WFDC11: variants seen among roughly 807,000 people sequenced by gnomAD.
WFDC11 encodes protein WFDC11.
A neutral mutation model predicts 9.9 loss-of-function variants in WFDC11; 9 were observed. That is an observed-to-expected ratio of 0.91 (90% CI 0.55 to 1.58). The LOEUF (loss-of-function observed/expected upper bound fraction) is 1.58. Ranked by LOEUF, WFDC11 falls within the 40% of genes most tolerant of loss-of-function variation. The pLI is 0.00. For missense variants in WFDC11, 106 were observed against 101.7 expected, an observed-to-expected ratio of 1.04 and a Z score of -0.18; for synonymous variants, 32 against 33.3, an observed-to-expected ratio of 0.96 and a Z score of 0.13.
intron 3 of WFDC11, 24 bp downstream of exon 3, chr20:45,650,477 C>T (rs1169820819): frequency 6.3e-7 from 1 of 1,599,048 alleles, no homozygotes; most frequent in East Asian, 2.2e-5. Context: ...CTCCTGTGGC[C>T]CCTAATCCAG....
At chr20:45,663,039 C>G (rs1983105584) in intron 2 of WFDC11, among the ~76,000 whole-genome samples, 1 of 152,174 alleles carries the variant, frequency 6.6e-6, no homozygotes, top group African/African-American at 2.4e-5. Context: ...GGCTGTGAAT[C>G]TCTCTGGTCC....
intron 2 of WFDC11, among the ~76,000 whole-genome samples, chr20:45,656,209 C>G (rs1188956263): frequency 6.7e-6 from 1 of 149,722 alleles, no homozygotes; most frequent in Admixed American, 6.7e-5. Flanking sequence ...GTAACCAAAA[C>G]AGCATAGTAC....
At chr20:45,662,950 G>A (rs539704706) in intron 2 of WFDC11, among the ~76,000 whole-genome samples, 3 of 152,300 alleles carry the variant, frequency 2.0e-5, no homozygotes, top group East Asian at 3.9e-4. Context: ...GAGTTAGGGA[G>A]GATTCCCTCT....
chr20:45,659,605 G>C lies in WFDC11; in HGVS notation c.-52+7483C>G, dbSNP rs1474109253. On this transcript the variant is annotated intron_variant, in intron 2 of 4. Coordinates refer to ENST00000324384, the MANE Select transcript of WFDC11 (RefSeq NM_147197.2). ...TGTGTTTAAGTTCTTTGTAGATTCT[G>C]GATATTGGCCCTTTGTCAGACGGAT... Among the ~76,000 whole-genome samples, 4 of 152,150 alleles carry C rather than the reference G, an allele frequency of 2.6e-5. 1 individual carries two copies. Among genetic ancestry groups the C allele is most frequent in the Admixed American group, 2.6e-4 (4 of 15,270 alleles).
chr20:45,650,743 C>G (rs1982789016), intron 2 of WFDC11, 92 bp from the exon 3 acceptor site: 1 of 671,246 alleles, frequency 1.5e-6, no homozygotes, highest in Non-Finnish European at 2.5e-6. Context: ...TCTCACTATT[C>G]CCCCTAGGCC....
At chr20:45,654,814 G>C (rs1416680310) in intron 2 of WFDC11, among the ~76,000 whole-genome samples, 1 of 152,054 alleles carries the variant, frequency 6.6e-6, no homozygotes, top group Non-Finnish European at 1.5e-5. Flanking sequence ...CTCTATGCAA[G>C]TAAACTAGAA....
At chr20:45,649,968 G>A (rs1302698728) in intron 3 of WFDC11, among the ~76,000 whole-genome samples, 1 of 151,888 alleles carries the variant, frequency 6.6e-6, no homozygotes, top group Non-Finnish European at 1.5e-5. Flanking sequence ...GACCCCCAAG[G>A]TTGCCCCACT....
Position 45,650,247 on chromosome 20 carries a change from T to TATAGAGAG in WFDC11, c.100+253_100+254insCTCTCTAT, listed in dbSNP as rs536980234. Among the ~76,000 whole-genome samples the TATAGAGAG allele has an allele frequency of 1.7e-3, 256 of 148,924 alleles. 1 individual carries two copies. Among genetic ancestry groups the TATAGAGAG allele is most frequent in the African/African-American group, 5.9e-3 (239 of 40,466 alleles). On this transcript the variant is annotated intron_variant, in intron 3 of 4. Transcript: ENST00000324384. ...ACACACACATGTGTTTGTATATATA[T>TATAGAGAG]AGAGAGAGAGAGAGAGAGACAGAGA... is the stretch of plus-strand genomic sequence containing the variant.
rs766194770 is a variant in WFDC11 at position 45,649,364 on chromosome 20, G to C, written c.136C>G (p.Pro46Ala). ...ELLLEECWGK[P>A]NVKECTNKCS... ...TTATTGGTACATTCTTTGACATTTG[G>C]CTTTCCCCAGCATTCTTCAAGTAAC... The change falls in exon 4 of 5, where the codon CCA (proline) becomes GCA (alanine). Residue 46 changes from proline (P) to alanine (A), a missense_variant. Transcript: ENST00000324384. The C allele has an allele frequency of 6.2e-7, 1 of 1,614,038 alleles. No homozygotes were observed. Among genetic ancestry groups the C allele is most frequent in the Admixed American group, 1.7e-5 (1 of 60,016 alleles).
chr20:45,649,186 G>T (rs1982747629), intron 4 of WFDC11, 71 bp downstream of exon 4: 1 of 1,573,040 alleles, frequency 6.4e-7, no homozygotes, highest in South Asian at 1.2e-5. Flanking sequence ...TTCTGTTTAG[G>T]AATAACAGCC....
intron 2 of WFDC11, among the ~76,000 whole-genome samples, chr20:45,664,616 G>A (rs1983149422): frequency 6.6e-6 from 1 of 152,178 alleles, no homozygotes; most frequent in Non-Finnish European, 1.5e-5. Flanking sequence ...AGGCCTGGTG[G>A]TGACAAAATC....
chr20:45,651,529 C>G (rs1481997223), intron 2 of WFDC11, among the ~76,000 whole-genome samples: 1 of 152,172 alleles, frequency 6.6e-6, no homozygotes. Context: ...GTGAGCGACA[C>G]AGAAGACAGG....
chr20:45,667,031 A>T (rs554228643), intron 2 of WFDC11, 57 bp downstream of exon 2: 2 of 152,368 alleles, frequency 1.3e-5, no homozygotes, highest in East Asian at 3.9e-4. Flanking sequence ...AGCAAGACAA[A>T]GGTGAAAGCT....
intron 3 of WFDC11, among the ~76,000 whole-genome samples, chr20:45,650,022 A>G (rs1758951364): frequency 2.0e-5 from 3 of 152,070 alleles, no homozygotes; most frequent in Admixed American, 6.6e-5. Context: ...CACATTCTGA[A>G]AGCCTTGCCA....
chr20:45,657,445 A>C (rs1206715369), intron 2 of WFDC11, among the ~76,000 whole-genome samples: 9 of 70,618 alleles, frequency 1.3e-4, no homozygotes, highest in African/African-American at 5.3e-4. Context: ...GGGTGGGGGG[A>C]GGGGGGAGGG....
chr20:45,650,685 GGT>G, intron 2 of WFDC11, 34 bp from the exon 3 acceptor site: 1 of 1,153,830 alleles, frequency 8.7e-7, no homozygotes, highest in Non-Finnish European at 1.3e-6. Context: ...GGGAAAGAGA[GGT>G]GTGAAGCAAG....
chr20:45,648,855 C>A, intron 4 of WFDC11, 116 bp from the exon 5 acceptor site: 3 of 1,128,178 alleles, frequency 2.7e-6, no homozygotes, highest in Non-Finnish European at 3.9e-6. Flanking sequence ...AATACTTTAA[C>A]GTAACAACAG....
chr20:45,652,445 T>G (rs529064720), intron 2 of WFDC11, among the ~76,000 whole-genome samples: 12 of 152,058 alleles, frequency 7.9e-5, no homozygotes, highest in African/African-American at 2.7e-4. Context: ...GTCACCATCA[T>G]CAAAGACCAA....
rs754684747 is a variant in WFDC11 at position 45,649,473 on chromosome 20, G to A, written c.101-74C>T. On this transcript the variant is annotated intron_variant, in intron 3 of 4. Coordinates refer to ENST00000324384, the MANE Select transcript of WFDC11 (RefSeq NM_147197.2). The stretch of plus-strand genomic sequence containing the variant: ...GAGCGGAAAGAAAGGCCTTTCATAC[G>A]TTTAACAGTTCCTCCTGGAATCTGG... 6.8e-5 allele frequency: 105 copies of A among 1,542,854 alleles called. No homozygotes were observed. The Middle Eastern group carries it at 6.9e-4, about 10-fold the overall frequency.
Sources: gnomAD v4.1 joint callset for allele counts (sites outside exome capture counted in the v4.1 genomes callset) on GRCh38, gnomAD v4.1.1 for gene constraint, MANE v1.5 for transcripts, NCBI Gene and HGNC (gene_info 2026-07-23, HGNC 2026-07-21) for gene names.